FAM117A: variants seen among roughly 807,000 people sequenced by gnomAD.
FAM117A encodes the protein family with sequence similarity 117 member A.
A neutral mutation model predicts 44.1 loss-of-function variants in FAM117A; 21 were observed. The ratio of observed to expected loss-of-function variants is 0.48; its 90% CI spans 0.34 to 0.69. FAM117A has a LOEUF of 0.69. Ranked by LOEUF, FAM117A falls within the 30% of genes least tolerant of loss-of-function variation. The pLI is 0.01. For missense variants in FAM117A, 498 were observed against 589.9 expected (o/e 0.84, Z 1.61); for synonymous variants, 220 against 238.3 (o/e 0.92, Z 0.71).
At chr17:49,751,177 G>C (rs1446482102) in intron 1 of FAM117A, among the ~76,000 whole-genome samples, 1 of 151,846 alleles carries the variant, frequency 6.6e-6, no homozygotes, top group African/African-American at 2.4e-5. Flanking sequence ...CTACTTGGGA[G>C]GCTGAGGCAG....
At chr17:49,776,715 G>A (rs924673177) in intron 1 of FAM117A, among the ~76,000 whole-genome samples, 2 of 152,178 alleles carry the variant, frequency 1.3e-5, no homozygotes, top group African/African-American at 2.4e-5. Context: ...GATTAAAGGA[G>A]GAGGAGGCTG....
intron 1 of FAM117A, among the ~76,000 whole-genome samples, chr17:49,783,746 A>G (rs2073797062): frequency 6.6e-6 from 1 of 152,356 alleles, no homozygotes; most frequent in East Asian, 1.9e-4. Flanking sequence ...CCAAAAGGAT[A>G]GAGACTAAGC....
chr17:49,736,242 T>A (rs2073610084), intron 1 of FAM117A, among the ~76,000 whole-genome samples: 1 of 152,004 alleles, frequency 6.6e-6, no homozygotes, highest in African/African-American at 2.4e-5. Flanking sequence ...AGGTTAAACC[T>A]CTTCAAAGGC....
chr17:49,788,299 C>A (rs1259785359), intron 1 of FAM117A, among the ~76,000 whole-genome samples: 1 of 152,188 alleles, frequency 6.6e-6, no homozygotes. Flanking sequence ...TAAACGGAAA[C>A]GTCCTTTAAA....
At chr17:49,729,468 G>A (rs1036740708) in intron 2 of FAM117A, among the ~76,000 whole-genome samples, 2 of 150,618 alleles carry the variant, frequency 1.3e-5, no homozygotes, top group African/African-American at 2.4e-5. Flanking sequence ...CCCACCCTCA[G>A]CTTAGGGCAA....
intron 1 of FAM117A, among the ~76,000 whole-genome samples, chr17:49,758,481 G>A (rs1313159541): frequency 2.6e-5 from 4 of 151,166 alleles, no homozygotes; most frequent in East Asian, 1.9e-4. Flanking sequence ...AAAATTAGCC[G>A]GGTATGGTGG....
At chr17:49,777,063 G>GC (rs1284511358) in intron 1 of FAM117A, among the ~76,000 whole-genome samples, 1 of 152,236 alleles carries the variant, frequency 6.6e-6, no homozygotes, top group African/African-American at 2.4e-5. Flanking sequence ...TGCATCGCCT[G>GC]CCCAGCCTGC....
chr17:49,755,160 G>A (rs2073693938), intron 1 of FAM117A, among the ~76,000 whole-genome samples: 1 of 152,164 alleles, frequency 6.6e-6, no homozygotes, highest in African/African-American at 2.4e-5. Context: ...CCTGCGAAGT[G>A]GTAACAAGCA....
chr17:49,784,890 C>G (rs2073801082), intron 1 of FAM117A, among the ~76,000 whole-genome samples: 2 of 152,098 alleles, frequency 1.3e-5, no homozygotes, highest in South Asian at 4.1e-4. Context: ...GTGCCTGGTA[C>G]CTGGGTGATT....
At chr17:49,719,716 G>A in intron 5 of FAM117A, 44 bp downstream of exon 5, 1 of 1,495,408 alleles carries the variant, frequency 6.7e-7, no homozygotes, top group African/African-American at 1.4e-5. Context: ...CAGGCCAAGT[G>A]AGGCACGGAC....
At chr17:49,719,250 A>G (rs1344083814) in intron 5 of FAM117A, among the ~76,000 whole-genome samples, 3 of 152,094 alleles carry the variant, frequency 2.0e-5, no homozygotes, top group Non-Finnish European at 4.4e-5. Flanking sequence ...AACAAGAGTG[A>G]AACTCCATCT....
intron 1 of FAM117A, among the ~76,000 whole-genome samples, chr17:49,756,642 G>A (rs2073699726): frequency 6.6e-6 from 1 of 151,548 alleles, no homozygotes; most frequent in Non-Finnish European, 1.5e-5. Flanking sequence ...AAGGCCAGGC[G>A]TGGTGGTTCA....
chr17:49,731,322 C>T (rs1249421228), intron 2 of FAM117A, among the ~76,000 whole-genome samples: 3 of 152,224 alleles, frequency 2.0e-5, no homozygotes, highest in African/African-American at 7.2e-5. Context: ...CTCGAAATAA[C>T]TCATTTGCTC....
chr17:49,763,542 C>T (rs2073731757), intron 1 of FAM117A, among the ~76,000 whole-genome samples: 1 of 151,068 alleles, frequency 6.6e-6, no homozygotes, highest in Non-Finnish European at 1.5e-5. Flanking sequence ...GCCCCCACCA[C>T]GCGCCACTCC....
At chr17:49,747,609 C>G (rs879095531) in intron 1 of FAM117A, among the ~76,000 whole-genome samples, 1 of 152,160 alleles carries the variant, frequency 6.6e-6, no homozygotes, top group Admixed American at 6.5e-5. Flanking sequence ...CCATCTCAAC[C>G]CACTTGCAGA....
intron 1 of FAM117A, among the ~76,000 whole-genome samples, chr17:49,787,064 A>C (rs1350977855): frequency 6.6e-6 from 1 of 152,200 alleles, no homozygotes; most frequent in African/African-American, 2.4e-5. Context: ...AGCCTGGGCA[A>C]CACAGCAAGA....
Position 49,717,676 on chromosome 17 carries a change from A to G in FAM117A, c.747T>C (p.Pro249=), listed in dbSNP as rs1459604989. 3 of 1,613,278 alleles carry G rather than the reference A, an allele frequency of 1.9e-6. No homozygotes were observed. Among genetic ancestry groups the G allele is most frequent in the South Asian group, 2.2e-5 (2 of 91,048 alleles). Reference sequence around the variant, plus strand: ...GATGATCACAGCTGCCACTCTGGGGAGGAGCTGGGGCCCGGTGCCCATCAG... The same window carrying G: ...GATGATCACAGCTGCCACTCTGGGGGGGAGCTGGGGCCCGGTGCCCATCAG... ...DIPDGHRAPA[P]PQSGSCDHPL... is the part of the protein sequence containing the mutation. Residue 249 remains proline, a synonymous_variant, in exon 6 of 8, where the codon CCT becomes CCC. Coordinates refer to ENST00000240364, the MANE Select transcript of FAM117A (RefSeq NM_030802.4).
chr17:49,758,546 C>T (rs2073707944), intron 1 of FAM117A, among the ~76,000 whole-genome samples: 3 of 149,408 alleles, frequency 2.0e-5, no homozygotes, highest in South Asian at 4.2e-4. Context: ...ACTGCTTGAA[C>T]CTGGGAGGCG....
At chr17:49,721,618 C>T (rs1450495772) in intron 3 of FAM117A, among the ~76,000 whole-genome samples, 1 of 152,208 alleles carries the variant, frequency 6.6e-6, no homozygotes, top group Admixed American at 6.5e-5. Context: ...TGAGTCCTAT[C>T]GAGTTGACCC....
Sources: allele counts gnomAD v4.1 joint callset (sites outside exome capture counted in the v4.1 genomes callset), GRCh38; gene constraint gnomAD v4.1.1; transcripts MANE v1.5; gene names NCBI Gene and HGNC (gene_info 2026-07-23, HGNC 2026-07-21).